DLGAP1: variants seen among roughly 807,000 people sequenced by gnomAD.
DLGAP1 encodes disks large-associated protein 1.
DLGAP1 carries 11 observed loss-of-function variants against 90.8 expected under a neutral mutation model. The ratio of observed to expected loss-of-function variants is 0.12; its 90% CI spans 0.08 to 0.20. DLGAP1 has a LOEUF of 0.20. DLGAP1 is among the 10% of genes least tolerant of loss of function. The pLI, the probability that DLGAP1 is intolerant of heterozygous loss-of-function variation, is 1.00. For synonymous variants in DLGAP1, 558 were observed against 540.7 expected, an observed-to-expected ratio of 1.03 and a Z score of -0.44; for missense variants, 1,050 against 1,333.8, an observed-to-expected ratio of 0.79 and a Z score of 3.31.
chr18:3,702,071 G>C (rs1427876122), intron 7 of DLGAP1, among the ~76,000 whole-genome samples: 2 of 152,054 alleles, frequency 1.3e-5, no homozygotes, highest in Non-Finnish European at 2.9e-5. Flanking sequence ...TTACTTTTGA[G>C]ACAGAGTCTC....
At chr18:3,798,417 G>A (rs770041748) in intron 5 of DLGAP1, among the ~76,000 whole-genome samples, 3 of 151,560 alleles carry the variant, frequency 2.0e-5, no homozygotes, top group Admixed American at 6.5e-5. Flanking sequence ...TCCTTTTAGG[G>A]ACAGGGACAG....
intron 10 of DLGAP1, among the ~76,000 whole-genome samples, chr18:3,513,502 G>T (rs2050661265): frequency 6.6e-6 from 1 of 152,148 alleles, no homozygotes; most frequent in Non-Finnish European, 1.5e-5. Flanking sequence ...GGGGTGAGTG[G>T]CATAATAAGT....
intron 1 of DLGAP1, among the ~76,000 whole-genome samples, chr18:4,323,792 T>C (rs2080752730): frequency 6.6e-6 from 1 of 152,052 alleles, no homozygotes; most frequent in Non-Finnish European, 1.5e-5. Flanking sequence ...ACAATGAAAT[T>C]AAGGCAGGAA....
At chr18:4,244,562 G>T (rs181800794) in intron 1 of DLGAP1, among the ~76,000 whole-genome samples, 158 of 152,226 alleles carry the variant, frequency 1.0e-3, no homozygotes, top group African/African-American at 3.6e-3. Context: ...TCAGTGATGG[G>T]GGAAATGGCA....
intron 1 of DLGAP1, among the ~76,000 whole-genome samples, chr18:4,419,629 A>C (rs1372215408): frequency 6.8e-6 from 1 of 146,668 alleles, no homozygotes; most frequent in African/African-American, 2.5e-5. Flanking sequence ...TAAATTTATG[A>C]AAATAATAAG....
chr18:4,336,896 C>T (rs1430022068), intron 1 of DLGAP1, among the ~76,000 whole-genome samples: 4 of 145,416 alleles, frequency 2.8e-5, no homozygotes, highest in African/African-American at 5.1e-5. Context: ...GTCAGGAGAT[C>T]GAGACCATCC....
chr18:4,021,527 C>G (rs1329942219), intron 2 of DLGAP1, among the ~76,000 whole-genome samples: 1 of 152,186 alleles, frequency 6.6e-6, no homozygotes, highest in Non-Finnish European at 1.5e-5. Flanking sequence ...GCCTCCAGAA[C>G]CTCAAGAGAA....
At chr18:3,731,789 C>T (rs1173305659) in intron 6 of DLGAP1, among the ~76,000 whole-genome samples, 2 of 152,028 alleles carry the variant, frequency 1.3e-5, no homozygotes, top group African/African-American at 4.8e-5. Context: ...GAAAACCATA[C>T]AAAATAAATA....
chr18:3,911,931 C>A (rs1029710832), intron 3 of DLGAP1, among the ~76,000 whole-genome samples: 3 of 152,186 alleles, frequency 2.0e-5, no homozygotes, highest in Non-Finnish European at 2.9e-5. Flanking sequence ...AAGTGGGTCC[C>A]TGGGCCCACA....
At chr18:4,114,182 G>A (rs1338909642) in intron 2 of DLGAP1, among the ~76,000 whole-genome samples, 1 of 150,500 alleles carries the variant, frequency 6.6e-6, no homozygotes, top group Non-Finnish European at 1.5e-5. Context: ...GATAGGAATA[G>A]TGTTGAATCT....
chr18:4,390,413 G>T (rs1390498579), intron 1 of DLGAP1, among the ~76,000 whole-genome samples: 1 of 151,972 alleles, frequency 6.6e-6, no homozygotes, highest in Non-Finnish European at 1.5e-5. Context: ...CTCATTCTCG[G>T]TGTTGCACAT....
At chr18:4,446,168 T>C (rs3913840) in intron 1 of DLGAP1, among the ~76,000 whole-genome samples, 61,355 of 151,868 alleles carry the variant, frequency 0.4, 12,673 homozygotes, top group Middle Eastern at 0.51. Flanking sequence ...TGAGAACCAA[T>C]TGTGTCTTCA....
At chr18:4,076,448 G>T (rs1303152079) in intron 2 of DLGAP1, among the ~76,000 whole-genome samples, 1 of 152,062 alleles carries the variant, frequency 6.6e-6, no homozygotes, top group African/African-American at 2.4e-5. Context: ...TAATGCAAAA[G>T]AATTACATTT....
chr18:3,748,676 T>C (rs991989228), intron 5 of DLGAP1, among the ~76,000 whole-genome samples: 3 of 152,232 alleles, frequency 2.0e-5, no homozygotes, highest in Admixed American at 2.0e-4. Context: ...CATGACACTT[T>C]TATCAAATCA....
rs2143662832 is a variant in DLGAP1, at chr18:4,326,054, T to G, written c.-267+128952A>C. On this transcript the variant is annotated intron_variant, in intron 1 of 12. Transcript: ENST00000315677. ...AAGAGTTTCTACATTACAAAGAAAC[T>G]ATCAACACAGTAAACAGACAATCTA... Among the ~76,000 whole-genome samples, 3 of 152,180 alleles carry G rather than the reference T, an allele frequency of 2.0e-5. No individual in the cohort carries two copies. In the Middle Eastern group the frequency reaches 0.01, roughly 518 times the overall value.
chr18:4,408,505 A>C (rs772202859), intron 1 of DLGAP1, among the ~76,000 whole-genome samples: 22 of 152,152 alleles, frequency 1.4e-4, no homozygotes, highest in Non-Finnish European at 2.4e-4. Context: ...AATTACAATA[A>C]GAGTTGAAAA....
intron 7 of DLGAP1, among the ~76,000 whole-genome samples, chr18:3,672,373 T>C (rs2060121112): frequency 6.6e-6 from 1 of 151,458 alleles, no homozygotes; most frequent in African/African-American, 2.4e-5. Flanking sequence ...AGGTCAGGAG[T>C]TCGAGACCAG....
In DLGAP1 at chr18:3,508,648, G is replaced by T; in HGVS notation, c.2493C>A (p.Ile831=). The change falls in exon 11 of 13, where the codon ATC becomes ATA. Residue 831 remains isoleucine (I), a synonymous_variant. Coordinates refer to ENST00000315677, the MANE Select transcript of DLGAP1 (RefSeq NM_004746.4). Reference sequence around the variant, plus strand: ...GTTGGGCACTGCCCACTGCGGTTCGGATTTTTCCTAGAACTGGAAAGAGCA... The same window carrying T: ...GTTGGGCACTGCCCACTGCGGTTCGTATTTTTCCTAGAACTGGAAAGAGCA... ...NNLPEDILGK[I]RTAVGSAQLL... 3 of 1,613,832 alleles carry T rather than the reference G, an allele frequency of 1.9e-6. No individual in the cohort carries two copies. Among genetic ancestry groups the T allele is most frequent in the Non-Finnish European group, 2.5e-6 (3 of 1,179,824 alleles).
chr18:3,701,487 C>T (rs368104678), intron 7 of DLGAP1, among the ~76,000 whole-genome samples: 17 of 152,066 alleles, frequency 1.1e-4, no homozygotes, highest in East Asian at 7.7e-4. Flanking sequence ...AGAAAAAAGC[C>T]GGGCAAAGCA....
Sources: gnomAD v4.1 joint callset for allele counts (sites outside exome capture counted in the v4.1 genomes callset) on GRCh38, gnomAD v4.1.1 for gene constraint, MANE v1.5 for transcripts, NCBI Gene and HGNC (gene_info 2026-07-23, HGNC 2026-07-21) for gene names.